ASIC5: variants seen among roughly 807,000 people sequenced by gnomAD.
The protein encoded by ASIC5 is bile acid-sensitive ion channel.
In ASIC5, 52 loss-of-function variants were observed where a neutral mutation model predicts 51.2. The ratio of observed to expected loss-of-function variants is 1.02; its 90% CI spans 0.81 to 1.28. The LOEUF is 1.28. ASIC5 is among the 50% of genes most tolerant of loss of function. The pLI, the probability that ASIC5 is intolerant of heterozygous loss-of-function variation, is 0.00. For missense variants in ASIC5, 635 were observed against 595.0 expected (o/e 1.07, Z -0.70); for synonymous variants, 231 against 200.7 (o/e 1.15, Z -1.28).
chr4:155,852,899 T>A (rs1015523461), intron 3 of ASIC5, among the ~76,000 whole-genome samples: 1 of 151,910 alleles, frequency 6.6e-6, no homozygotes. Context: ...ACTCTGATAA[T>A]GAGTCTAGGG....
At chr4:155,864,833 A>G (rs1741821039) in intron 1 of ASIC5, 1 of 152,146 alleles carries the variant, frequency 6.6e-6, no homozygotes, top group Non-Finnish European at 1.5e-5. Flanking sequence ...TAAAATATTC[A>G]GGAATTTTAA....
chr4:155,860,401 C>G (rs1323158213), intron 2 of ASIC5, among the ~76,000 whole-genome samples: 4 of 151,734 alleles, frequency 2.6e-5, no homozygotes, highest in African/African-American at 4.8e-5. Flanking sequence ...TTTTATATAG[C>G]ACATTAACTA....
At chr4:155,862,894 C>T (rs980541837) in intron 2 of ASIC5, among the ~76,000 whole-genome samples, 12 of 152,146 alleles carry the variant, frequency 7.9e-5, no homozygotes, top group Middle Eastern at 3.2e-3. Context: ...ACCCAGATTT[C>T]CATAACACCC....
chr4:155,863,549 A>T lies in ASIC5; in HGVS notation c.246T>A (p.Ile82=), dbSNP rs1202797655. 5 of 1,613,812 alleles carry T rather than the reference A, an allele frequency of 3.1e-6. No homozygotes were observed. Among genetic ancestry groups the T allele is most frequent in the Non-Finnish European group, 4.2e-6 (5 of 1,179,878 alleles). The change falls in exon 2 of 10, where the codon ATT becomes ATA. Residue 82 remains isoleucine, a synonymous_variant. Transcript: ENST00000537611. ...SVSLVTWQIY[I]RLLNYFTWPT... ...GCCATGTGAAGTAGTTGAGCAAGCGAATGTAGATCTGCCATGTCACAAGTG... is the reference window on the plus strand; with the variant it reads ...GCCATGTGAAGTAGTTGAGCAAGCGTATGTAGATCTGCCATGTCACAAGTG...
Position 155,836,798 on chromosome 4 carries a change from A to G in ASIC5, c.1126T>C (p.Ser376Pro). The G allele has an allele frequency of 6.2e-7, 1 of 1,609,196 alleles. No homozygotes were observed. The highest frequency in any genetic ancestry group is 1.1e-5 in the South Asian group (1 of 90,920). Residue 376 changes from serine to proline, a missense_variant, in exon 8 of 10, where the codon TCT (serine) becomes CCT (proline). Physicochemically the swap from Ser to Pro is moderately conservative, Grantham distance 74. Coordinates refer to ENST00000537611, the MANE Select transcript of ASIC5 (RefSeq NM_017419.3). ...VGTHNSSCPV[S>P]CEEIEYPATI... is the part of the protein sequence containing the mutation. ...GCCGGGTATTCTATTTCTTCACAAG[A>G]AACGGGGCAGCTAGAGTTATGTGTT...
chr4:155,839,954 T>C (rs1741079795), intron 6 of ASIC5, among the ~76,000 whole-genome samples: 1 of 152,178 alleles, frequency 6.6e-6, no homozygotes, highest in African/African-American at 2.4e-5. Flanking sequence ...AAATTGTTAG[T>C]GGAATTACCT....
At position 155,842,269 on chromosome 4, in the gene ASIC5, A is replaced by C; in HGVS notation, c.947T>G (p.Leu316Trp). The change falls in exon 6 of 10, where the codon TTG (leucine) becomes TGG (tryptophan). Residue 316 changes from leucine (L) to tryptophan (W), a missense_variant. Coordinates refer to ENST00000537611, the MANE Select transcript of ASIC5 (RefSeq NM_017419.3). ...TATGTGCTGGGCTTTGCATTCCTTC[A>C]AGCAACCAGAAGTGCTGTAGCTGCT... ...NFSSYSTSGCLKECKAQHIKK... is the reference protein window; with the variant it reads ...NFSSYSTSGCWKECKAQHIKK... 6.2e-7 allele frequency: 1 copy of C among 1,613,720 alleles called. No homozygotes were observed.
intron 5 of ASIC5, among the ~76,000 whole-genome samples, chr4:155,843,029 G>A (rs906401686): frequency 6.6e-6 from 1 of 152,016 alleles, no homozygotes; most frequent in African/African-American, 2.4e-5. Flanking sequence ...CCAATGTGCA[G>A]GTGGGCATTT....
chr4:155,846,313 G>A (rs1741241670), intron 4 of ASIC5, among the ~76,000 whole-genome samples: 1 of 152,038 alleles, frequency 6.6e-6, no homozygotes, highest in African/African-American at 2.4e-5. Flanking sequence ...ATTTGGCATA[G>A]AGATTACAAA....
chr4:155,848,868 C>G (rs183947398), intron 4 of ASIC5, among the ~76,000 whole-genome samples: 7 of 152,100 alleles, frequency 4.6e-5, no homozygotes, highest in African/African-American at 1.4e-4. Context: ...GTTTGCTGAT[C>G]CTTTGTTTTG....
intron 5 of ASIC5, among the ~76,000 whole-genome samples, chr4:155,842,685 G>A (rs893391678): frequency 6.6e-6 from 1 of 152,052 alleles, no homozygotes; most frequent in Non-Finnish European, 1.5e-5. Context: ...AAACAGTGAA[G>A]AAAATCACAT....
rs553991729 is a variant in ASIC5, at chr4:155,851,828, C to T, written c.711+363G>A. Among the ~76,000 whole-genome samples, 13 of 152,018 alleles carry T rather than the reference C, an allele frequency of 8.6e-5. No individual in the cohort carries two copies. The East Asian group carries it at 1.9e-3, about 23-fold the overall frequency. On this transcript the variant is annotated intron_variant, in intron 4 of 9. Coordinates refer to ENST00000537611, the MANE Select transcript of ASIC5 (RefSeq NM_017419.3). ...GTGTATGTAGAGTTTCTTTCTAAAACGTGATATTTACATAAACGTATTTCT... is the reference window on the plus strand; with the variant it reads ...GTGTATGTAGAGTTTCTTTCTAAAATGTGATATTTACATAAACGTATTTCT...
intron 4 of ASIC5, among the ~76,000 whole-genome samples, chr4:155,847,602 G>A (rs1741285384): frequency 6.6e-6 from 1 of 151,854 alleles, no homozygotes; most frequent in African/African-American, 2.4e-5. Context: ...CATGCCTGTA[G>A]TCCCAGCTAC....
At chr4:155,836,271 C>T (rs185387793) in intron 8 of ASIC5, among the ~76,000 whole-genome samples, 69 of 152,302 alleles carry the variant, frequency 4.5e-4, no homozygotes, top group African/African-American at 1.0e-3. Flanking sequence ...TCTTAAAATA[C>T]GATGTCCTTC....
Position 155,866,192 on chromosome 4 carries a change from T to G in ASIC5, c.35A>C (p.Glu12Ala). The stretch of plus-strand genomic sequence containing the variant: ...GGAGTTCACTCTTTACTCACCGTTC[T>G]CAGCATATACTTTTGATTTTTCTGT... ...EQTEKSKVYA[E>A]NGLLEKIKLC... Residue 12 changes from glutamate (E) to alanine (A), a missense_variant, in exon 1 of 10, where the codon GAG becomes GCG. By Grantham distance (107) the Glu-to-Ala change is moderately radical (BLOSUM62 -1). Transcript: ENST00000537611. 6.2e-7 allele frequency: 1 copy of G among 1,605,184 alleles called. No homozygotes were observed. The highest frequency in any genetic ancestry group is 8.5e-7 in the Non-Finnish European group (1 of 1,172,794).
intron 9 of ASIC5, among the ~76,000 whole-genome samples, chr4:155,830,480 T>C (rs1486325928): frequency 6.6e-6 from 1 of 152,224 alleles, no homozygotes; most frequent in Non-Finnish European, 1.5e-5. Context: ...TATTTCTTTT[T>C]ATGCATTCAT....
At position 155,855,550 on chromosome 4, in the gene ASIC5, C is replaced by T. The variant is rs532593081; in HGVS notation, c.348-1236G>A. 1.4e-4 allele frequency among the ~76,000 whole-genome samples: 21 copies of T among 151,996 alleles called. No individual in the cohort carries two copies. The South Asian group carries it at 4.4e-3, about 32-fold the overall frequency. The stretch of plus-strand genomic sequence containing the variant: ...AATTTTGAAACTGAACAAATGTTCT[C>T]TCTTTAAATTGACTGCTAAAGGCAT... On this transcript the variant is annotated intron_variant, in intron 2 of 9. Coordinates refer to ENST00000537611, the MANE Select transcript of ASIC5 (RefSeq NM_017419.3).
At position 155,843,890 on chromosome 4, in the gene ASIC5, T is replaced by C. The variant is rs1314015303; in HGVS notation, c.712-60A>G. On this transcript the variant is annotated intron_variant, in intron 4 of 9. Coordinates refer to ENST00000537611, the MANE Select transcript of ASIC5 (RefSeq NM_017419.3). ...ATTGACTATATCAGTTCTAAACAAG[T>C]TTAGGATTTAGTTTTATCATCTCAT... 4 of 1,519,002 alleles carry C rather than the reference T, an allele frequency of 2.6e-6. No individual in the cohort carries two copies. The Admixed American group carries it at 5.1e-5, about 19-fold the overall frequency. The allele number at this position is 1,519,002 out of a possible 1,614,324, so 94.1% of individuals were successfully genotyped here.
chr4:155,846,225 G>T (rs1045090893), intron 4 of ASIC5, among the ~76,000 whole-genome samples: 10 of 151,886 alleles, frequency 6.6e-5, no homozygotes, highest in African/African-American at 2.2e-4. Flanking sequence ...CTTAAGAATT[G>T]CCAGCATACT....
Sources: allele counts gnomAD v4.1 joint callset (sites outside exome capture counted in the v4.1 genomes callset), GRCh38; gene constraint gnomAD v4.1.1; transcripts MANE v1.5; gene names NCBI Gene and HGNC (gene_info 2026-07-23, HGNC 2026-07-21).